TACO1: variants seen among roughly 807,000 people sequenced by gnomAD.
TACO1 encodes translational activator of cytochrome c oxidase 1.
TACO1 carries 13 observed loss-of-function variants against 24.0 expected under a neutral mutation model. That is an observed-to-expected ratio of 0.54 (90% confidence interval 0.35 to 0.86). TACO1 has a LOEUF of 0.86. Among genes scored for constraint, TACO1 ranks in the 40% least tolerant of loss-of-function variants. The probability of loss-of-function intolerance (pLI) is 0.01; values close to 1 mark genes in which losing one functional copy is unlikely to be tolerated. For missense variants in TACO1, 352 were observed against 380.1 expected (o/e 0.93, Z 0.61); for synonymous variants, 149 against 153.5 (o/e 0.97, Z 0.22).
chr17:63,607,885 G>C lies in TACO1; in HGVS notation c.777G>C (p.Glu259Asp). Residue 259 changes from glutamate to aspartate, a missense_variant, in exon 5 of 5, where the codon GAG becomes GAC. Glu to Asp is a conservative substitution (Grantham distance 45). Coordinates refer to ENST00000258975, the MANE Select transcript of TACO1 (RefSeq NM_016360.4). ...LGLCSVSCALEFIPNSKVQLA... is the reference protein window; with the variant it reads ...LGLCSVSCALDFIPNSKVQLA... ...TGTGTTCTGTGTCCTGTGCACTAGA[G>C]TTCATCCCCAACTCAAAGGTGCAGC... 1 of 1,614,226 alleles carries C rather than the reference G, an allele frequency of 6.2e-7. No individual in the cohort carries two copies. The highest frequency in any genetic ancestry group is 8.5e-7 in the Non-Finnish European group (1 of 1,180,042).
intron 1 of TACO1, among the ~76,000 whole-genome samples, chr17:63,603,235 C>CA (rs997772572): frequency 1.1e-4 from 17 of 151,828 alleles, no homozygotes; most frequent in Admixed American, 8.5e-4. Flanking sequence ...AACTCTGTCT[C>CA]AAAAAATAAT....
intron 1 of TACO1, among the ~76,000 whole-genome samples, chr17:63,602,964 G>A (rs914867588): frequency 2.6e-5 from 4 of 152,138 alleles, no homozygotes; most frequent in African/African-American, 4.8e-5. Flanking sequence ...TGCTGGGCAC[G>A]GTGGCTCACA....
rs778313043 is a variant in TACO1, at chr17:63,606,406, C to G, written c.481C>G (p.Gln161Glu). ...ATTATCTAACAGTAGCCACAAGTGC[C>G]AAGCAGACATTAGACATATCCTGAA... ...EALSNSSHKC[Q>E]ADIRHILNKN... is the part of the protein sequence containing the mutation. Residue 161 changes from glutamine (Q) to glutamate (E), a missense_variant, in exon 3 of 5, where the codon CAA becomes GAA. By Grantham distance (29) the Gln-to-Glu change is conservative (BLOSUM62 2). Transcript: ENST00000258975. 6.2e-7 allele frequency: 1 copy of G among 1,614,164 alleles called. No homozygotes were observed. The highest frequency in any genetic ancestry group is 1.1e-5 in the South Asian group (1 of 91,082).
rs1216438346 is a variant in TACO1, at chr17:63,608,004, C to T, written c.*2C>T. On this transcript the variant is annotated 3_prime_UTR_variant, in exon 5 of 5. Coordinates refer to ENST00000258975, the MANE Select transcript of TACO1 (RefSeq NM_016360.4). The stretch of plus-strand genomic sequence containing the variant: ...CACGTCTATGATAACATTGAATAAC[C>T]AGGCTACATGTGCCCCCGGGTTCCT... 3 of 1,614,030 alleles carry T rather than the reference C, an allele frequency of 1.9e-6. No individual in the cohort carries two copies. The highest frequency in any genetic ancestry group is 3.3e-5 in the Admixed American group (2 of 60,024).
intron 1 of TACO1, among the ~76,000 whole-genome samples, chr17:63,602,075 G>A (rs1159859034): frequency 4.4e-5 from 5 of 114,352 alleles, no homozygotes; most frequent in African/African-American, 1.7e-4. Flanking sequence ...GAAACCCTGT[G>A]TCTACTAAAA....
At chr17:63,607,215 G>C in intron 3 of TACO1, 72 bp from the exon 4 acceptor site, 1 of 1,363,106 alleles carries the variant, frequency 7.3e-7, no homozygotes, top group South Asian at 1.2e-5. Flanking sequence ...GACAGTGATA[G>C]AATGATGAGC....
rs541060131 is a variant in TACO1 at position 63,601,652 on chromosome 17, G to A, written c.280+289G>A. Among the ~76,000 whole-genome samples the A allele has an allele frequency of 5.3e-5, 8 of 152,264 alleles. No individual in the cohort carries two copies. The East Asian group carries it at 1.5e-3, about 29-fold the overall frequency. ...AGTGACTTCATCCTAATCTAGCTGG[G>A]TACTTAATAGAAACAAGCCCTAAGA... On this transcript the variant is annotated intron_variant, in intron 1 of 4. Coordinates refer to ENST00000258975, the MANE Select transcript of TACO1 (RefSeq NM_016360.4).
chr17:63,602,521 T>G (rs2033830136), intron 1 of TACO1, among the ~76,000 whole-genome samples: 1 of 151,766 alleles, frequency 6.6e-6, no homozygotes, highest in Non-Finnish European at 1.5e-5. Context: ...GCAACTTTTA[T>G]TTATTTATTT....
chr17:63,608,093 C>A lies in TACO1; in HGVS notation c.*91C>A. On this transcript the variant is annotated 3_prime_UTR_variant, in exon 5 of 5. Transcript: ENST00000258975. Reference sequence around the variant, plus strand: ...CTGCAGCAATCTCTGAGGGTAAAGCCGGTGGGAGGCTCAGCAGGCCAGGAG... The same window carrying A: ...CTGCAGCAATCTCTGAGGGTAAAGCAGGTGGGAGGCTCAGCAGGCCAGGAG... 4 of 1,442,636 alleles carry A rather than the reference C, an allele frequency of 2.8e-6. No homozygotes were observed. The South Asian group carries it at 4.7e-5, about 17-fold the overall frequency. 89.4% of individuals were successfully genotyped at this position (1,442,636 alleles called of 1,614,324 possible). A position where few individuals can be genotyped will look rare whatever the true frequency, so the allele number is the denominator to read the frequency against.
At chr17:63,604,434 C>T (rs1346097853) in intron 1 of TACO1, 100 bp from the exon 2 acceptor site, 1 of 960,184 alleles carries the variant, frequency 1.0e-6, no homozygotes, top group Middle Eastern at 2.1e-4. Context: ...GGTGATTTGC[C>T]ACTCCTTTGG....
chr17:63,608,113 C>G lies in TACO1; in HGVS notation c.*111C>G, dbSNP rs2033878010. On this transcript the variant is annotated 3_prime_UTR_variant, in exon 5 of 5. Coordinates refer to ENST00000258975, the MANE Select transcript of TACO1 (RefSeq NM_016360.4). ...AAAGCCGGTGGGAGGCTCAGCAGGCCAGGAGGCCCAAGGACAGGACTTGCG... is the reference window on the plus strand; with the variant it reads ...AAAGCCGGTGGGAGGCTCAGCAGGCGAGGAGGCCCAAGGACAGGACTTGCG... The G allele has an allele frequency of 5.6e-6, 7 of 1,248,590 alleles. No homozygotes were observed. The highest frequency in any genetic ancestry group is 5.7e-6 in the Non-Finnish European group (5 of 877,158). 77.3% of individuals were successfully genotyped at this position (1,248,590 alleles called of 1,614,324 possible). A position where few individuals can be genotyped will look rare whatever the true frequency, so the allele number is the denominator to read the frequency against.
At chr17:63,607,077 A>G (rs889658298) in intron 3 of TACO1, 7 of 606,104 alleles carry the variant, frequency 1.2e-5, no homozygotes, top group African/African-American at 3.7e-5. Context: ...CCCAACTGCA[A>G]TCAGGGCAGA....
intron 2 of TACO1, among the ~76,000 whole-genome samples, chr17:63,605,797 A>G (rs925421723): frequency 1.3e-5 from 2 of 152,152 alleles, no homozygotes; most frequent in African/African-American, 4.8e-5. Context: ...GAATACATGG[A>G]CAAGGGATGA....
Position 63,601,018 on chromosome 17 carries a change from G to A in TACO1, c.-66G>A. ...GCGGGGTCCGGAACTGCTTGTTCCG[G>A]CAGTGGAAGAGACGCGCCGGCGTTG... On this transcript the variant is annotated 5_prime_UTR_variant, in exon 1 of 5. Coordinates refer to ENST00000258975, the MANE Select transcript of TACO1 (RefSeq NM_016360.4). 1 of 1,519,474 alleles carries A rather than the reference G, an allele frequency of 6.6e-7. No individual in the cohort carries two copies. The highest frequency in any genetic ancestry group is 8.8e-7 in the Non-Finnish European group (1 of 1,133,308). The allele number at this position is 1,519,474 out of a possible 1,614,324, so 94.1% of individuals were successfully genotyped here.
intron 2 of TACO1, among the ~76,000 whole-genome samples, chr17:63,605,016 A>G (rs941491734): frequency 5.9e-5 from 9 of 151,476 alleles, no homozygotes; most frequent in African/African-American, 2.2e-4. Context: ...TCTGTCTCAA[A>G]AAAAAAAAAA....
At chr17:63,607,114 C>A in intron 3 of TACO1, 173 bp from the exon 4 acceptor site, 1 of 688,438 alleles carries the variant, frequency 1.5e-6, no homozygotes, top group Non-Finnish European at 2.6e-6. Context: ...CATTCTTGGG[C>A]TGTTCCCTTA....
At chr17:63,604,469 T>C in intron 1 of TACO1, 65 bp from the exon 2 acceptor site, 1 of 1,417,246 alleles carries the variant, frequency 7.1e-7, no homozygotes, top group Non-Finnish European at 1.0e-6. Context: ...AAATCCCTTT[T>C]ATTCTCCCAT....
In TACO1 at chr17:63,601,134, G is replaced by C. The variant is rs1349196725; in HGVS notation, c.51G>C (p.Leu17Phe). ...ASLSRAAARC[L>F]LARGPGVRAA... ...TAAGCAGGGCCGCTGCCCGATGCTT[G>C]CTGGCACGAGGCCCCGGGGTCAGGG... Residue 17 changes from leucine (L) to phenylalanine (F), a missense_variant, in exon 1 of 5, where the codon TTG (leucine) becomes TTC (phenylalanine). Leu to Phe is a conservative substitution (Grantham distance 22). Coordinates refer to ENST00000258975, the MANE Select transcript of TACO1 (RefSeq NM_016360.4). The C allele has an allele frequency of 1.9e-6, 3 of 1,543,258 alleles. No homozygotes were observed. In the South Asian group the frequency reaches 3.6e-5, roughly 18 times the overall value.
Position 63,606,390 on chromosome 17 carries a change from C to T in TACO1, c.465C>T (p.Asn155=). Residue 155 remains asparagine (N), a synonymous_variant, in exon 3 of 5, where the codon AAC becomes AAT. Coordinates refer to ENST00000258975, the MANE Select transcript of TACO1 (RefSeq NM_016360.4). ...CTCTGCTCATCGAGGCATTATCTAA[C>T]AGTAGCCACAAGTGCCAAGCAGACA... ...GSSLLIEALS[N]SSHKCQADIR... 6.2e-7 allele frequency: 1 copy of T among 1,614,190 alleles called. No individual in the cohort carries two copies.
Sources: allele counts gnomAD v4.1 joint callset (sites outside exome capture counted in the v4.1 genomes callset), GRCh38; gene constraint gnomAD v4.1.1; transcripts MANE v1.5; gene names NCBI Gene and HGNC (gene_info 2026-07-23, HGNC 2026-07-21).